NLRP1: variants seen among roughly 807,000 people sequenced by gnomAD.
NLRP1 encodes NACHT, LRR and PYD domains-containing protein 1.
NLRP1 carries 94 observed loss-of-function variants against 136.7 expected under a neutral mutation model. The observed-to-expected ratio is 0.69, with a 90% CI of 0.58 to 0.82. The LOEUF is 0.82. Among genes scored for constraint, NLRP1 ranks in the 40% least tolerant of loss-of-function variants. NLRP1 has a pLI of 0.00. For synonymous variants in NLRP1, 690 were observed against 725.1 expected, an observed-to-expected ratio of 0.95 and a Z score of 0.78; for missense variants, 1,575 against 1,802.7, an observed-to-expected ratio of 0.87 and a Z score of 2.29.
At chr17:5,539,884 A>G (rs966292341) in intron 6 of NLRP1, among the ~76,000 whole-genome samples, 20 of 152,222 alleles carry the variant, frequency 1.3e-4, no homozygotes, top group African/African-American at 4.1e-4. Context: ...TCCCACTTGT[A>G]CACCTGGGTC....
chr17:5,541,761 A>G lies in NLRP1; in HGVS notation c.2699+96T>C. On this transcript the variant is annotated intron_variant, in intron 6 of 16. Coordinates refer to ENST00000572272, the MANE Select transcript of NLRP1 (RefSeq NM_033004.4). The surrounding 1 kb of genome is among the most constrained non-coding windows in gnomAD (Gnocchi z 4.2). ...TCCTGTAGGCTCCTCCCACTCCCAC[A>G]AAGCAGGTCTCACCTTCTCTCTGCT... 1 of 1,277,854 alleles carries G rather than the reference A, an allele frequency of 7.8e-7. No homozygotes were observed. The highest frequency in any genetic ancestry group is 1.1e-6 in the Non-Finnish European group (1 of 903,520). 79.2% of individuals were successfully genotyped at this position (1,277,854 alleles called of 1,614,324 possible).
intron 5 of NLRP1, among the ~76,000 whole-genome samples, chr17:5,547,650 G>T (rs1381400395): frequency 6.6e-6 from 1 of 152,180 alleles, no homozygotes; most frequent in Non-Finnish European, 1.5e-5. Flanking sequence ...TCTTCCTACT[G>T]GGGTGTGAAG....
chr17:5,536,767 G>T, intron 8 of NLRP1, 84 bp downstream of exon 8: 1 of 945,066 alleles, frequency 1.1e-6, no homozygotes, highest in Non-Finnish European at 1.7e-6. Context: ...GGCTGTGTTT[G>T]TCTCTCACCC....
rs765292856 is a variant in NLRP1, at chr17:5,583,442, G to A, written c.271+245C>T. On this transcript the variant is annotated intron_variant, in intron 1 of 16. Transcript: ENST00000572272. This position sits in a 1 kb window ranked among gnomAD's most constrained non-coding sequence, Gnocchi z 4.5. ...CGTGCTCATAACTACAATGCCAGGC[G>A]AGTACCGGGAATGCACTTGAATAGA... Among the ~76,000 whole-genome samples the A allele has an allele frequency of 6.6e-6, 1 of 152,192 alleles. No homozygotes were observed.
rs1254140107 is a variant in NLRP1 at position 5,530,575 on chromosome 17, C to T, written c.3426G>A (p.Gln1142=). 2.5e-6 allele frequency: 4 copies of T among 1,614,140 alleles called. No individual in the cohort carries two copies. The highest frequency in any genetic ancestry group is 3.4e-6 in the Non-Finnish European group (4 of 1,180,052). The part of the protein sequence containing the change: ...WDQFLGEINP[Q]HSWMVAGPLL... ...GAGGCCCTGCCACCATCCAGCTGTG[C>T]TGTGGGTTGATCTCACCCAGGAACT... is the stretch of plus-strand genomic sequence containing the variant. The change falls in exon 12 of 17, where the codon CAG becomes CAA. Residue 1142 remains glutamine (Q), a synonymous_variant. Coordinates refer to ENST00000572272, the MANE Select transcript of NLRP1 (RefSeq NM_033004.4).
chr17:5,545,254 G>A (rs558055996), intron 5 of NLRP1, among the ~76,000 whole-genome samples: 3 of 152,090 alleles, frequency 2.0e-5, no homozygotes, highest in Admixed American at 6.5e-5. Context: ...GCTGCATTGA[G>A]TCATGATCAC....
intron 3 of NLRP1, among the ~76,000 whole-genome samples, chr17:5,568,286 T>C (rs185254147): frequency 1.1e-4 from 17 of 152,302 alleles, no homozygotes; most frequent in Middle Eastern, 3.4e-3. Context: ...TTTTCAATTA[T>C]AGCCTGTCTT....
chr17:5,536,715 G>C (rs1400276154), intron 8 of NLRP1, 136 bp downstream of exon 8: 2 of 620,986 alleles, frequency 3.2e-6, no homozygotes, highest in African/African-American at 3.6e-5. Flanking sequence ...GCACTGACAA[G>C]TGCACCTCAC....
At chr17:5,510,533 T>C (rs1336686719), downstream of NLRP1, among the ~76,000 whole-genome samples, 2 of 152,134 alleles carry the variant, frequency 1.3e-5, no homozygotes, top group East Asian at 3.9e-4. Flanking sequence ...CTAATTTTTG[T>C]ATTTTTGTAG....
intron 8 of NLRP1, among the ~76,000 whole-genome samples, chr17:5,535,085 T>C (rs1910863025): frequency 6.6e-6 from 1 of 152,114 alleles, no homozygotes. Context: ...CTGGGTGTGG[T>C]GGCATGCACC....
intron 12 of NLRP1, chr17:5,529,786 A>C: frequency 6.4e-6 from 2 of 310,672 alleles, no homozygotes; most frequent in South Asian, 2.5e-5. Context: ...TATTATACAC[A>C]CTTATTTTAT....
At chr17:5,572,166 T>C (rs1904436052) in intron 3 of NLRP1, among the ~76,000 whole-genome samples, 1 of 152,140 alleles carries the variant, frequency 6.6e-6, no homozygotes, top group African/African-American at 2.4e-5. Context: ...ACTTAGGAAA[T>C]ACTATTCTGA....
chr17:5,541,771 T>C lies in NLRP1; in HGVS notation c.2699+86A>G, dbSNP rs1160303963. The C allele has an allele frequency of 5.1e-6, 7 of 1,378,762 alleles. No individual in the cohort carries two copies. The highest frequency in any genetic ancestry group is 7.1e-6 in the Non-Finnish European group (7 of 986,232). 85.4% of individuals were successfully genotyped at this position (1,378,762 alleles called of 1,614,324 possible). On this transcript the variant is annotated intron_variant, in intron 6 of 16. Coordinates refer to ENST00000572272, the MANE Select transcript of NLRP1 (RefSeq NM_033004.4). The surrounding 1 kb of genome is among the most constrained non-coding windows in gnomAD (Gnocchi z 4.2). Reference sequence around the variant, plus strand: ...TCCTCCCACTCCCACAAAGCAGGTCTCACCTTCTCTCTGCTCTTACCCTCT... The same window carrying C: ...TCCTCCCACTCCCACAAAGCAGGTCCCACCTTCTCTCTGCTCTTACCCTCT...
At chr17:5,581,099 G>T (rs1905589984) in intron 3 of NLRP1, among the ~76,000 whole-genome samples, 1 of 152,186 alleles carries the variant, frequency 6.6e-6, no homozygotes. Flanking sequence ...GCTGGGTGCA[G>T]AAGAAATCCT....
rs1226906922 is a variant in NLRP1, at chr17:5,514,467, C to T, written c.*287G>A. 21 of 1,290,674 alleles carry T rather than the reference C, an allele frequency of 1.6e-5. No homozygotes were observed. The highest frequency in any genetic ancestry group is 2.1e-5 in the Non-Finnish European group (21 of 1,010,040). 80.0% of individuals were successfully genotyped at this position (1,290,674 alleles called of 1,614,324 possible). A position where few individuals can be genotyped will look rare whatever the true frequency, so the allele number is the denominator to read the frequency against. ...GCGCCTGGATGGGATCCGGAGGGCT[C>T]TAGGCTTGGCTGCTGTGGCCACCAG... On this transcript the variant is annotated 3_prime_UTR_variant, in exon 17 of 17. Transcript: ENST00000572272.
At chr17:5,530,255 T>C (rs1440344366) in intron 12 of NLRP1, among the ~76,000 whole-genome samples, 1 of 152,190 alleles carries the variant, frequency 6.6e-6, no homozygotes, top group African/African-American at 2.4e-5. Context: ...ATAAAAACTT[T>C]CAAGTAAGTT....
In NLRP1 at chr17:5,584,136, A is replaced by G; in HGVS notation, c.-179T>C. 1.6e-6 allele frequency: 1 copy of G among 635,642 alleles called. No individual in the cohort carries two copies. Among genetic ancestry groups the G allele is most frequent in the Non-Finnish European group, 2.7e-6 (1 of 371,836 alleles). 39.4% of individuals were successfully genotyped at this position (635,642 alleles called of 1,614,324 possible). ...TAGACGCCGATAGAGGGGGAGTGGTAGGAAAAGCCAGGGGAGGGAGGAGCC... is the reference window on the plus strand; with the variant it reads ...TAGACGCCGATAGAGGGGGAGTGGTGGGAAAAGCCAGGGGAGGGAGGAGCC... On this transcript the variant is annotated 5_prime_UTR_variant, in exon 1 of 17. Coordinates refer to ENST00000572272, the MANE Select transcript of NLRP1 (RefSeq NM_033004.4).
In NLRP1 at chr17:5,536,740, T is replaced by C. The variant is rs185985651; in HGVS notation, c.2960+111A>G. 6.9e-4 allele frequency: 486 copies of C among 699,592 alleles called. 5 individuals carry two copies. The East Asian group carries it at 0.013, about 18-fold the overall frequency. 43.3% of individuals were successfully genotyped at this position (699,592 alleles called of 1,614,324 possible). A position where few individuals can be genotyped will look rare whatever the true frequency, so the allele number is the denominator to read the frequency against. ...GTGCACCTCACTCTGGCTGCTGTGG[T>C]GTCTGGGTTTCTCCCTGGCTGTGTT... On this transcript the variant is annotated intron_variant, in intron 8 of 16. Transcript: ENST00000572272.
At chr17:5,575,693 CCT>C (rs1904940855) in intron 3 of NLRP1, among the ~76,000 whole-genome samples, 3 of 152,082 alleles carry the variant, frequency 2.0e-5, no homozygotes, top group Admixed American at 6.6e-5. Flanking sequence ...TTAACACCCC[CCT>C]GTCAACATTA....
Sources: allele counts gnomAD v4.1 joint callset (sites outside exome capture counted in the v4.1 genomes callset), GRCh38; gene constraint gnomAD v4.1.1; non-coding constraint Gnocchi (gnomAD v3.1); transcripts MANE v1.5; gene names NCBI Gene and HGNC (gene_info 2026-07-23, HGNC 2026-07-21).